Variants in LRPPRC observed in about 807,000 individuals in gnomAD.
LRPPRC encodes leucine-rich PPR motif-containing protein, mitochondrial.
A neutral mutation model predicts 180.3 loss-of-function variants in LRPPRC; 120 were observed. The observed-to-expected ratio is 0.67, with a 90% CI of 0.57 to 0.77. The LOEUF is 0.77. Ranked by LOEUF, LRPPRC falls within the 30% of genes least tolerant of loss-of-function variation. The pLI, the probability that LRPPRC is intolerant of heterozygous loss-of-function variation, is 0.00. For synonymous variants in LRPPRC, 723 were observed against 600.0 expected (o/e 1.21, Z -3.00); for missense variants, 2,012 against 1,657.2 (o/e 1.21, Z -3.72).
chr2:43,916,269 T>C (rs1375434003), intron 29 of LRPPRC, among the ~76,000 whole-genome samples: 3 of 152,010 alleles, frequency 2.0e-5, no homozygotes, highest in African/African-American at 7.2e-5. Flanking sequence ...GAAAAGAAAT[T>C]AACAAAAGTA....
rs114978740 is a variant in LRPPRC, at chr2:43,913,509, A to G, written c.3149-951T>C. On this transcript the variant is annotated intron_variant, in intron 29 of 37. Coordinates refer to ENST00000260665, the MANE Select transcript of LRPPRC (RefSeq NM_133259.4). ...TTTAGAAGTTTCTGAACAGGCGAAA[A>G]TTGTTACGCTTCTATGTATGAGTTA... 9.2e-3 allele frequency among the ~76,000 whole-genome samples: 1,407 copies of G among 152,318 alleles called. 21 individuals carry two copies. Among genetic ancestry groups the G allele is most frequent in the African/African-American group, 0.032 (1,327 of 41,568 alleles).
chr2:43,918,523 A>G, intron 27 of LRPPRC, 125 bp from the exon 28 acceptor site: 1 of 775,930 alleles, frequency 1.3e-6, no homozygotes, highest in Non-Finnish European at 2.1e-6. Context: ...CTTTAGGGAA[A>G]GGAACCAAAA....
At chr2:43,904,498 G>C (rs921711107) in intron 31 of LRPPRC, 1 of 151,730 alleles carries the variant, frequency 6.6e-6, no homozygotes, top group Non-Finnish European at 1.5e-5. Context: ...TTCGAGACCA[G>C]CCTGGCCAAC....
At position 43,904,704 on chromosome 2, in the gene LRPPRC, A is replaced by C. The variant is rs1251804504; in HGVS notation, c.3364+988T>G. The C allele has an allele frequency of 1.4e-4, 14 of 97,652 alleles. No individual in the cohort carries two copies. In the East Asian group the frequency reaches 1.6e-3, roughly 11 times the overall value. The allele number at this position is 97,652 out of a possible 1,614,324, so 6.0% of individuals were successfully genotyped here. Reference sequence around the variant, plus strand: ...TGAGACCCTATCTCAAAAAAAACAAAAACAAAAAAAAAAAACAAAACAAAA... The same window carrying C: ...TGAGACCCTATCTCAAAAAAAACAACAACAAAAAAAAAAAACAAAACAAAA... On this transcript the variant is annotated intron_variant, in intron 31 of 37. Coordinates refer to ENST00000260665, the MANE Select transcript of LRPPRC (RefSeq NM_133259.4).
chr2:43,957,573 A>G (rs565272132), intron 13 of LRPPRC, 122 bp from the exon 14 acceptor site: 1 of 737,500 alleles, frequency 1.4e-6, no homozygotes, highest in East Asian at 2.7e-5. Flanking sequence ...ATTGTATTTA[A>G]AAAATAAAAA....
Position 43,886,788 on chromosome 2 carries a change from TGTG to T in LRPPRC, c.*1809_*1811del, listed in dbSNP as rs1170232185. On this transcript the variant is annotated 3_prime_UTR_variant, in exon 38 of 38. Transcript: ENST00000260665. ...GTCAATTAGTGAATGTTGACTAACT[TGTG>T]GTTAGCATGACTGCAAAAAAATGAG... 1.3e-5 allele frequency: 2 copies of T among 152,106 alleles called. No homozygotes were observed. Among genetic ancestry groups the T allele is most frequent in the African/African-American group, 4.8e-5 (2 of 41,408 alleles). The allele number at this position is 152,106 out of a possible 1,614,324, so 9.4% of individuals were successfully genotyped here.
rs569569757 is a variant in LRPPRC, at chr2:43,959,118, GGAT to G, written c.1582+1420_1582+1422del. ...CAAGAGGTTGACAACGAAGTGGAAT[GGAT>G]GATATGATAAAAGGAAAAGGCAGCT... On this transcript the variant is annotated intron_variant, in intron 13 of 37. Coordinates refer to ENST00000260665, the MANE Select transcript of LRPPRC (RefSeq NM_133259.4). The G allele has an allele frequency of 1.5e-3, 1,032 of 684,354 alleles. 8 individuals carry two copies. The highest frequency in any genetic ancestry group is 0.013 in the East Asian group (462 of 36,550). The allele number at this position is 684,354 out of a possible 1,614,324, so 42.4% of individuals were successfully genotyped here. A position where few individuals can be genotyped will look rare whatever the true frequency, so the allele number is the denominator to read the frequency against.
rs145081161 is a variant in LRPPRC, at chr2:43,951,476, A to G, written c.1650-876T>C. ...CCATGGTTCCTTTGCTGTATCCCGG[A>G]CCCATCTGGGCATTTGATGAATTCT... On this transcript the variant is annotated intron_variant, in intron 14 of 37. Transcript: ENST00000260665. 1.8e-3 allele frequency among the ~76,000 whole-genome samples: 272 copies of G among 152,276 alleles called. 1 individual carries two copies. The highest frequency in any genetic ancestry group is 5.9e-3 in the African/African-American group (246 of 41,556).
rs2104966861 is a variant in LRPPRC at position 43,888,392 on chromosome 2, C to G, written c.*208G>C. ...CACACAGCAGCAGCATTGAAGAAAA[C>G]ACTATCGATTTTTCCCAGAGAAAAA... On this transcript the variant is annotated 3_prime_UTR_variant, in exon 38 of 38. Coordinates refer to ENST00000260665, the MANE Select transcript of LRPPRC (RefSeq NM_133259.4). 1 of 495,312 alleles carries G rather than the reference C, an allele frequency of 2.0e-6. No individual in the cohort carries two copies. The highest frequency in any genetic ancestry group is 3.7e-6 in the Non-Finnish European group (1 of 273,386). The allele number at this position is 495,312 out of a possible 1,614,324, so 30.7% of individuals were successfully genotyped here.
chr2:43,971,305 G>C (rs1016329930), intron 11 of LRPPRC, among the ~76,000 whole-genome samples: 1 of 151,628 alleles, frequency 6.6e-6, no homozygotes. Context: ...ATTATTCTAA[G>C]TGATAACTTT....
At chr2:43,913,516 C>T (rs970346899) in intron 29 of LRPPRC, among the ~76,000 whole-genome samples, 22 of 152,160 alleles carry the variant, frequency 1.4e-4, no homozygotes, top group African/African-American at 4.8e-4. Flanking sequence ...AAAATTGTTA[C>T]GCTTCTATGT....
chr2:43,939,116 CAA>C (rs34124728), intron 23 of LRPPRC, among the ~76,000 whole-genome samples: 67,137 of 128,028 alleles, frequency 0.52, 17,036 homozygotes, highest in East Asian at 0.93. Flanking sequence ...ACTAAAAATA[CAA>C]AAAAAAAAAA....
At chr2:43,947,159 G>A (rs1037291671) in intron 20 of LRPPRC, 98 bp downstream of exon 20, 22 of 629,636 alleles carry the variant, frequency 3.5e-5, no homozygotes, top group East Asian at 8.5e-5. Context: ...GACATATAAC[G>A]ATCAATTGTA....
chr2:43,890,496 G>A (rs1255045356), intron 36 of LRPPRC: 2 of 332,174 alleles, frequency 6.0e-6, no homozygotes, highest in East Asian at 7.6e-5. Context: ...GGCGGATCAC[G>A]AGGTTAGGAG....
At chr2:43,902,655 TA>T (rs1395391427) in intron 31 of LRPPRC, 1 of 152,106 alleles carries the variant, frequency 6.6e-6, no homozygotes, top group Non-Finnish European at 1.5e-5. Context: ...GCATAGTCAA[TA>T]AAAATTTAAA....
intron 1 of LRPPRC, among the ~76,000 whole-genome samples, chr2:43,995,405 T>G (rs927729545): frequency 6.6e-6 from 1 of 152,182 alleles, no homozygotes; most frequent in African/African-American, 2.4e-5. Flanking sequence ...GCTAGGTGGT[T>G]ACTGATCACC....
At chr2:43,993,466 G>A (rs62135149) in intron 1 of LRPPRC, among the ~76,000 whole-genome samples, 10,757 of 152,232 alleles carry the variant, frequency 0.071, 536 homozygotes, top group South Asian at 0.14. Flanking sequence ...ATAGGAAAGT[G>A]AATGAAAAGT....
intron 31 of LRPPRC, chr2:43,903,555 T>C (rs1318701061): frequency 1.3e-5 from 1 of 78,016 alleles, no homozygotes; most frequent in Non-Finnish European, 2.4e-5. Flanking sequence ...AACAGGTTTG[T>C]GGTGATGTGC....
chr2:43,901,289 A>G (rs200678877), intron 32 of LRPPRC, 31 bp downstream of exon 32: 1 of 1,578,024 alleles, frequency 6.3e-7, no homozygotes, highest in South Asian at 1.1e-5. Flanking sequence ...CTAGTGACCA[A>G]TGAAGGAAAA....
Sources: allele counts gnomAD v4.1 joint callset (sites outside exome capture counted in the v4.1 genomes callset), GRCh38; gene constraint gnomAD v4.1.1; transcripts MANE v1.5; gene names NCBI Gene and HGNC (gene_info 2026-07-23, HGNC 2026-07-21).